FAT3: variants seen among roughly 807,000 people sequenced by gnomAD.
FAT3 encodes the protein protocadherin Fat 3.
Under a neutral mutation model 310.2 loss-of-function variants are expected in FAT3, and 95 were observed. The ratio of observed to expected loss-of-function variants is 0.31; its 90% CI spans 0.26 to 0.36. FAT3 has a LOEUF of 0.36. Ranked by LOEUF, FAT3 falls within the 10% of genes least tolerant of loss-of-function variation. The pLI, the probability that FAT3 is intolerant of heterozygous loss-of-function variation, is 1.00. For missense variants in FAT3, 5,408 were observed against 5,715.6 expected, an observed-to-expected ratio of 0.95 and a Z score of 1.74; for synonymous variants, 2,314 against 2,192.9, an observed-to-expected ratio of 1.06 and a Z score of -1.54.
At chr11:92,676,371 T>C (rs1378429881) in intron 3 of FAT3, among the ~76,000 whole-genome samples, 1 of 152,150 alleles carries the variant, frequency 6.6e-6, no homozygotes, top group Non-Finnish European at 1.5e-5. Flanking sequence ...AATAAGGAAA[T>C]AGAGTCTGCT....
intron 7 of FAT3, among the ~76,000 whole-genome samples, chr11:92,774,830 T>C (rs1314293169): frequency 6.6e-6 from 1 of 152,134 alleles, no homozygotes; most frequent in Non-Finnish European, 1.5e-5. Flanking sequence ...GACCGCTCCT[T>C]ATACTTTGCA....
chr11:92,633,954 T>G (rs777019177), intron 3 of FAT3, among the ~76,000 whole-genome samples: 2 of 152,170 alleles, frequency 1.3e-5, no homozygotes, highest in Non-Finnish European at 2.9e-5. Context: ...GATACAGATA[T>G]TAAATGAACA....
intron 1 of FAT3, among the ~76,000 whole-genome samples, chr11:92,326,787 A>C (rs1190133455): frequency 6.6e-6 from 1 of 152,114 alleles, no homozygotes; most frequent in African/African-American, 2.4e-5. Flanking sequence ...CTGGAGTCTT[A>C]TTTTCTATTG....
At chr11:92,746,534 C>A (rs988591170) in intron 4 of FAT3, among the ~76,000 whole-genome samples, 1 of 152,150 alleles carries the variant, frequency 6.6e-6, no homozygotes, top group African/African-American at 2.4e-5. Flanking sequence ...TCTGGGCCCT[C>A]CCAAATCTCA....
intron 4 of FAT3, among the ~76,000 whole-genome samples, chr11:92,704,515 G>C (rs2135927265): frequency 6.6e-6 from 1 of 152,270 alleles, no homozygotes; most frequent in Admixed American, 6.5e-5. Context: ...TCTTTAAAGA[G>C]GTCATTAAAT....
intron 10 of FAT3, 22 bp downstream of exon 10, chr11:92,801,931 T>C: frequency 6.3e-7 from 1 of 1,596,674 alleles, no homozygotes; most frequent in Non-Finnish European, 8.6e-7. Context: ...CCCCCAGTTT[T>C]CATTATGTGC....
At chr11:92,677,548 A>G (rs1209871640) in intron 3 of FAT3, among the ~76,000 whole-genome samples, 1 of 152,226 alleles carries the variant, frequency 6.6e-6, no homozygotes, top group Non-Finnish European at 1.5e-5. Flanking sequence ...AGAATACCTG[A>G]GAATAGGTAA....
At chr11:92,528,083 G>T (rs1953933148) in intron 3 of FAT3, among the ~76,000 whole-genome samples, 1 of 152,190 alleles carries the variant, frequency 6.6e-6, no homozygotes, top group Non-Finnish European at 1.5e-5. Context: ...GCTTGTAGCA[G>T]ATAACAGATG....
intron 2 of FAT3, among the ~76,000 whole-genome samples, chr11:92,515,360 G>A (rs945143472): frequency 2.6e-5 from 4 of 151,984 alleles, no homozygotes; most frequent in African/African-American, 9.7e-5. Context: ...ATTCTACAAA[G>A]ATATACCAAG....
At chr11:92,805,046 C>G (rs1947464403) in intron 10 of FAT3, 107 bp from the exon 11 acceptor site, 1 of 1,036,198 alleles carries the variant, frequency 9.7e-7, no homozygotes, top group Non-Finnish European at 1.4e-6. Context: ...CTAAATGATA[C>G]AGTTTAAGGA....
intron 6 of FAT3, among the ~76,000 whole-genome samples, chr11:92,766,124 A>G (rs2136098369): frequency 6.6e-6 from 1 of 152,302 alleles, no homozygotes; most frequent in African/African-American, 2.4e-5. Context: ...AAATTCCTTG[A>G]AAGAAAGCAA....
At chr11:92,686,935 T>A (rs1196316271) in intron 3 of FAT3, among the ~76,000 whole-genome samples, 2 of 152,210 alleles carry the variant, frequency 1.3e-5, no homozygotes, top group East Asian at 3.9e-4. Flanking sequence ...GTGGCTGTTT[T>A]CACACCTCAA....
chr11:92,265,308 A>G (rs1013106445), intron 1 of FAT3, among the ~76,000 whole-genome samples: 1 of 151,902 alleles, frequency 6.6e-6, no homozygotes, highest in African/African-American at 2.4e-5. Flanking sequence ...CTCTCCTTCT[A>G]TTACGCTGCC....
At chr11:92,475,856 G>T (rs1463630514) in intron 2 of FAT3, among the ~76,000 whole-genome samples, 1 of 152,152 alleles carries the variant, frequency 6.6e-6, no homozygotes, top group Non-Finnish European at 1.5e-5. Context: ...TTTGTAGGGA[G>T]TCACTTCCAT....
At position 92,798,077 on chromosome 11, in the gene FAT3, A is replaced by T. The variant is rs1380700569; in HGVS notation, c.5064A>T (p.Thr1688=). 1.6e-5 allele frequency: 26 copies of T among 1,613,830 alleles called. No individual in the cohort carries two copies. The Admixed American group carries it at 4.2e-4, about 26-fold the overall frequency. The change falls in exon 10 of 28, where the codon ACA becomes ACT. Residue 1688 remains threonine (T), a synonymous_variant. Coordinates refer to ENST00000525166, the MANE Select transcript of FAT3 (RefSeq NM_001367949.2). ...TAAATGAAAATGTTGACATTGGAAC[A>T]TCAGTCATTCTAATCTCTGCCATCA... ...AEVNENVDIG[T]SVILISAISQ... is the part of the protein sequence containing the mutation.
intron 3 of FAT3, among the ~76,000 whole-genome samples, chr11:92,583,957 A>C (rs943632146): frequency 7.9e-5 from 12 of 152,022 alleles, no homozygotes; most frequent in African/African-American, 2.9e-4. Flanking sequence ...CTAAACGAAG[A>C]GAAGTGCATG....
At chr11:92,288,222 CA>C (rs989581292) in intron 1 of FAT3, among the ~76,000 whole-genome samples, 2 of 151,906 alleles carry the variant, frequency 1.3e-5, no homozygotes, top group East Asian at 3.9e-4. Flanking sequence ...AAGGAAGTCA[CA>C]AAAAAACAAA....
chr11:92,335,871 A>T (rs1948057878), intron 1 of FAT3, among the ~76,000 whole-genome samples: 1 of 152,222 alleles, frequency 6.6e-6, no homozygotes, highest in Admixed American at 6.5e-5. Context: ...CAATCCCAAA[A>T]TCAAACAGAC....
intron 3 of FAT3, among the ~76,000 whole-genome samples, chr11:92,592,607 ACCACACCTGGC>A (rs145906912): frequency 0.016 from 2,370 of 152,144 alleles, 61 homozygotes; most frequent in African/African-American, 0.053. Flanking sequence ...GGCGTGAGCC[ACCACACCTGGC>A]CCTAATTGTC....
Sources: gnomAD v4.1 joint callset for allele counts (sites outside exome capture counted in the v4.1 genomes callset) on GRCh38, gnomAD v4.1.1 for gene constraint, MANE v1.5 for transcripts, NCBI Gene and HGNC (gene_info 2026-07-23, HGNC 2026-07-21) for gene names.